The following FAM13C variants were observed in gnomAD, a reference collection of about 807,000 sequenced individuals.
FAM13C encodes family with sequence similarity 13 member C, also known as protein FAM13C.
A neutral mutation model predicts 73.2 loss-of-function variants in FAM13C; 37 were observed. That is an observed-to-expected ratio of 0.51 (90% CI 0.39 to 0.67). The LOEUF is 0.67. Among genes scored for constraint, FAM13C ranks in the 30% least tolerant of loss-of-function variants. FAM13C has a pLI of 0.00. For missense variants in FAM13C, 589 were observed against 715.6 expected (o/e 0.82, Z 2.02); for synonymous variants, 246 against 260.9 (o/e 0.94, Z 0.55).
At chr10:59,322,688 T>A (rs1309708517) in intron 4 of FAM13C, among the ~76,000 whole-genome samples, 1 of 152,246 alleles carries the variant, frequency 6.6e-6, no homozygotes, top group African/African-American at 2.4e-5. Context: ...TTGTTTTGTT[T>A]TGCTTTTATA....
chr10:59,269,249 G>C (rs1221202271), intron 7 of FAM13C, among the ~76,000 whole-genome samples: 1 of 152,076 alleles, frequency 6.6e-6, no homozygotes. Context: ...AAAATGGCAG[G>C]AGTTCTGACG....
chr10:59,306,137 T>G (rs1848221670), intron 4 of FAM13C, among the ~76,000 whole-genome samples: 1 of 152,140 alleles, frequency 6.6e-6, no homozygotes, highest in Non-Finnish European at 1.5e-5. Context: ...AAATACAAGT[T>G]TTTCTAGGGC....
rs149209785 is a variant in FAM13C, at chr10:59,283,222, G to A, written c.592+141C>T. 4.8e-4 allele frequency: 391 copies of A among 820,038 alleles called. 1 individual carries two copies. The African/African-American group carries it at 6.1e-3, about 13-fold the overall frequency. The allele number at this position is 820,038 out of a possible 1,614,324, so 50.8% of individuals were successfully genotyped here. A position where few individuals can be genotyped will look rare whatever the true frequency, so the allele number is the denominator to read the frequency against. ...TCCTGCTCCCCCTCAGCAACTCCTG[G>A]GCAACTCAGAAGCACCTCTTGGGCT... On this transcript the variant is annotated intron_variant, in intron 6 of 13. Transcript: ENST00000618804.
At chr10:59,287,135 G>A (rs368257436) in intron 5 of FAM13C, among the ~76,000 whole-genome samples, 5 of 150,750 alleles carry the variant, frequency 3.3e-5, no homozygotes, top group African/African-American at 9.8e-5. Flanking sequence ...TCAGGACTTC[G>A]AGACCAGCCT....
At chr10:59,293,069 C>CTTTTTTTTTTTTTTT (rs148715812) in intron 5 of FAM13C, among the ~76,000 whole-genome samples, 47 of 109,514 alleles carry the variant, frequency 4.3e-4, no homozygotes, top group African/African-American at 6.7e-4. Context: ...TTTTCTTTTT[C>CTTTTTTTTTTTTTTT]TTTTTTTTTT....
chr10:59,259,110 C>T (rs1178655150), intron 10 of FAM13C, among the ~76,000 whole-genome samples: 1 of 152,168 alleles, frequency 6.6e-6, no homozygotes, highest in African/African-American at 2.4e-5. Context: ...TTCCAGTGTA[C>T]AGCCATGCCC....
chr10:59,303,646 A>G (rs1564551827), intron 4 of FAM13C, among the ~76,000 whole-genome samples: 1 of 152,094 alleles, frequency 6.6e-6, no homozygotes, highest in Non-Finnish European at 1.5e-5. Context: ...ACTCATGTTG[A>G]AATTTGATCC....
intron 5 of FAM13C, among the ~76,000 whole-genome samples, chr10:59,294,247 G>A (rs1011622732): frequency 8.5e-5 from 13 of 152,210 alleles, no homozygotes; most frequent in African/African-American, 2.9e-4. Flanking sequence ...CCTTACATGA[G>A]AGAGTAGGAA....
At chr10:59,339,819 A>C (rs2134166641) in intron 3 of FAM13C, among the ~76,000 whole-genome samples, 1 of 152,286 alleles carries the variant, frequency 6.6e-6, no homozygotes, top group African/African-American at 2.4e-5. Context: ...TCAAAATATA[A>C]CAGAGGTCCC....
rs1411710239 is a variant in FAM13C, at chr10:59,278,692, T to C, written c.592+4671A>G. Reference sequence around the variant, plus strand: ...AGACCCCAATTGAAAACCTCTATTTTAAAGGAACCAACTTAAGACAAATAA... The same window carrying C: ...AGACCCCAATTGAAAACCTCTATTTCAAAGGAACCAACTTAAGACAAATAA... On this transcript the variant is annotated intron_variant, in intron 6 of 13. Transcript: ENST00000618804. 2.0e-5 allele frequency among the ~76,000 whole-genome samples: 3 copies of C among 152,134 alleles called. No individual in the cohort carries two copies. In the East Asian group the frequency reaches 5.8e-4, roughly 29 times the overall value.
intron 3 of FAM13C, among the ~76,000 whole-genome samples, chr10:59,350,511 TCTC>T (rs1854898026): frequency 1.3e-5 from 2 of 152,170 alleles, no homozygotes; most frequent in African/African-American, 4.8e-5. Context: ...CCAGCATGAC[TCTC>T]CTAATTAGTT....
At chr10:59,259,162 A>G (rs1842231533) in intron 10 of FAM13C, among the ~76,000 whole-genome samples, 1 of 152,358 alleles carries the variant, frequency 6.6e-6, no homozygotes, top group South Asian at 2.1e-4. Flanking sequence ...ATCCATAGAT[A>G]AAACAGGAAG....
intron 5 of FAM13C, among the ~76,000 whole-genome samples, chr10:59,291,516 G>A (rs11815412): frequency 0.078 from 11,869 of 152,166 alleles, 1,295 homozygotes; most frequent in African/African-American, 0.24. Context: ...ATGTAGGAGA[G>A]CAAGCTATTC....
intron 2 of FAM13C, among the ~76,000 whole-genome samples, chr10:59,354,703 A>G (rs1719192675): frequency 6.6e-6 from 1 of 152,244 alleles, no homozygotes; most frequent in South Asian, 2.1e-4. Flanking sequence ...CAAAGGAAAA[A>G]AAAAGGAGAG....
chr10:59,362,918 A>G, upstream of FAM13C: 1 of 174,300 alleles, frequency 5.7e-6, no homozygotes, highest in Non-Finnish European at 1.2e-5. Flanking sequence ...AGCTCACCCC[A>G]ACCCCCCACA....
At chr10:59,349,147 C>G (rs1174995077) in intron 3 of FAM13C, among the ~76,000 whole-genome samples, 2 of 152,112 alleles carry the variant, frequency 1.3e-5, no homozygotes, top group African/African-American at 4.8e-5. Flanking sequence ...CTCATCAGAC[C>G]TTTCACATTT....
chr10:59,351,527 T>A (rs1280097321), intron 3 of FAM13C, among the ~76,000 whole-genome samples: 1 of 152,218 alleles, frequency 6.6e-6, no homozygotes, highest in East Asian at 1.9e-4. Flanking sequence ...CATACTAGTA[T>A]GTTTATTCCA....
intron 4 of FAM13C, among the ~76,000 whole-genome samples, chr10:59,303,700 T>C (rs983533575): frequency 6.6e-6 from 1 of 152,132 alleles, no homozygotes; most frequent in Non-Finnish European, 1.5e-5. Context: ...GGGAGGGGTT[T>C]GGGTCATGGG....
At chr10:59,337,285 C>T (rs1452530556) in intron 3 of FAM13C, among the ~76,000 whole-genome samples, 4 of 152,222 alleles carry the variant, frequency 2.6e-5, no homozygotes, top group African/African-American at 9.6e-5. Flanking sequence ...TTCTATAGGG[C>T]TTGGAGACCC....
Sources: gnomAD v4.1 joint callset for allele counts (sites outside exome capture counted in the v4.1 genomes callset) on GRCh38, gnomAD v4.1.1 for gene constraint, MANE v1.5 for transcripts, NCBI Gene and HGNC (gene_info 2026-07-23, HGNC 2026-07-21) for gene names.